The following ORMDL1 variants were observed in gnomAD, a reference collection of about 807,000 sequenced individuals.
ORMDL1 encodes ORMDL sphingolipid biosynthesis regulator 1.
Under a neutral mutation model 13.0 loss-of-function variants are expected in ORMDL1, and 10 were observed. The observed-to-expected ratio is 0.77, with a 90% CI of 0.47 to 1.30. The LOEUF (loss-of-function observed/expected upper bound fraction) is 1.30, where lower values mean the gene tolerates loss of function less well. Among genes scored for constraint, ORMDL1 ranks in the 50% most tolerant of loss-of-function variants. The pLI, the probability that ORMDL1 is intolerant of heterozygous loss-of-function variation, is 0.00. For missense variants in ORMDL1, 171 were observed against 186.7 expected, an observed-to-expected ratio of 0.92 and a Z score of 0.49; for synonymous variants, 61 against 63.9, an observed-to-expected ratio of 0.95 and a Z score of 0.22.
intron 3 of ORMDL1, among the ~76,000 whole-genome samples, chr2:189,779,009 C>A (rs2047762472): frequency 1.3e-5 from 2 of 152,026 alleles, no homozygotes; most frequent in African/African-American, 4.8e-5. Flanking sequence ...CACAGCAAGA[C>A]CCCCATCTCA....
downstream of ORMDL1, among the ~76,000 whole-genome samples, chr2:189,768,036 A>G (rs1214867508): frequency 6.6e-6 from 1 of 152,216 alleles, no homozygotes; most frequent in Admixed American, 6.5e-5. Context: ...GAAAATTTTT[A>G]AACCCAACAT....
intron 4 of ORMDL1, among the ~76,000 whole-genome samples, chr2:189,772,152 C>T (rs998146411): frequency 6.6e-6 from 1 of 152,178 alleles, no homozygotes; most frequent in African/African-American, 2.4e-5. Context: ...ATAGAACACA[C>T]TGCATCCTTT....
At position 189,771,295 on chromosome 2, in the gene ORMDL1, T is replaced by TA. The variant is rs1553547100; in HGVS notation, c.*471dup. ...ACAAGAGGATATACATCCGCTTACA[T>TA]AAAACGAGAAATATGTACGGTAATA... On this transcript the variant is annotated 3_prime_UTR_variant, in exon 5 of 5. Coordinates refer to ENST00000392349, the MANE Select transcript of ORMDL1 (RefSeq NM_016467.5). 1 of 5,624 alleles carries TA rather than the reference T, an allele frequency of 1.8e-4. No individual in the cohort carries two copies. Among genetic ancestry groups the TA allele is most frequent in the Non-Finnish European group, 3.6e-3 (1 of 280 alleles). The allele number at this position is 5,624 out of a possible 1,614,324, so 0.3% of individuals were successfully genotyped here.
At chr2:189,779,294 T>C (rs955808908) in intron 3 of ORMDL1, among the ~76,000 whole-genome samples, 1 of 152,014 alleles carries the variant, frequency 6.6e-6, no homozygotes, top group Non-Finnish European at 1.5e-5. Flanking sequence ...CTGGGCAACA[T>C]AGTGAGAGCC....
intron 3 of ORMDL1, among the ~76,000 whole-genome samples, chr2:189,780,283 A>G (rs934004701): frequency 1.3e-5 from 2 of 152,242 alleles, no homozygotes; most frequent in Non-Finnish European, 2.9e-5. Flanking sequence ...CTGGTGCTAA[A>G]AAAGTTTCTA....
chr2:189,783,924 G>A (rs1010699994), intron 1 of ORMDL1, among the ~76,000 whole-genome samples: 1 of 152,286 alleles, frequency 6.6e-6, no homozygotes, highest in East Asian at 1.9e-4. Flanking sequence ...CTCCGAAGAC[G>A]GCGACCCGCA....
At chr2:189,767,410 G>A (rs1222712634), downstream of ORMDL1, among the ~76,000 whole-genome samples, 1 of 152,106 alleles carries the variant, frequency 6.6e-6, no homozygotes, top group Admixed American at 6.5e-5. Context: ...ATAAAATGGA[G>A]AAAATAATGC....
At chr2:189,768,054 T>C (rs567318455), downstream of ORMDL1, among the ~76,000 whole-genome samples, 1 of 152,196 alleles carries the variant, frequency 6.6e-6, no homozygotes, top group Non-Finnish European at 1.5e-5. Flanking sequence ...CATAACAAAC[T>C]ACTTGCTACA....
At chr2:189,781,644 G>T (rs11899667) in intron 3 of ORMDL1, among the ~76,000 whole-genome samples, 2,754 of 151,316 alleles carry the variant, frequency 0.018, 93 homozygotes, top group African/African-American at 0.063. Context: ...AAACTAAAAT[G>T]ATCTATTTTC....
intron 3 of ORMDL1, among the ~76,000 whole-genome samples, chr2:189,777,818 A>G (rs1055373170): frequency 3.3e-5 from 5 of 152,214 alleles, no homozygotes; most frequent in Non-Finnish European, 7.3e-5. Flanking sequence ...TGTACGGTTC[A>G]GAAAGGCAAA....
At chr2:189,766,733 A>ACC (rs2047489244), downstream of ORMDL1, among the ~76,000 whole-genome samples, 1 of 150,246 alleles carries the variant, frequency 6.7e-6, no homozygotes, top group Non-Finnish European at 1.5e-5. Context: ...TCAAAAAAAA[A>ACC]AAAACAAAAC....
downstream of ORMDL1, among the ~76,000 whole-genome samples, chr2:189,767,770 G>A (rs933686018): frequency 2.0e-5 from 3 of 152,036 alleles, no homozygotes; most frequent in Non-Finnish European, 4.4e-5. Context: ...GTTTATCAAG[G>A]GCTTGAATAA....
chr2:189,772,723 T>C (rs1166652855), intron 4 of ORMDL1, among the ~76,000 whole-genome samples: 7 of 152,254 alleles, frequency 4.6e-5, no homozygotes, highest in Admixed American at 3.3e-4. Context: ...GAAGTTAGTT[T>C]CTATTTAGGT....
In ORMDL1 at chr2:189,771,882, T is replaced by C. The variant is rs148150815; in HGVS notation, c.347A>G (p.Tyr116Cys). Residue 116 changes from tyrosine to cysteine, a missense_variant, in exon 5 of 5, where the codon TAT becomes TGT. Transcript: ENST00000392349. ...PIILYFLASF[Y>C]TKYDPTHFIL... ...GAAGTGAGTTGGATCATACTTCGTA[T>C]AGAAACTTGCCAGAAAATATCTGTA... 2.8e-4 allele frequency: 448 copies of C among 1,596,502 alleles called. 1 individual carries two copies. The highest frequency in any genetic ancestry group is 4.2e-4 in the Admixed American group (24 of 57,546).
At chr2:189,764,968 G>A in the ORMDL1 span, 88,491 of 151,806 alleles carry the variant, frequency 0.58, 29,747 homozygotes, top group South Asian at 0.76. Flanking sequence ...GAGTAGCTGG[G>A]ACTACAGGTG....
In ORMDL1 at chr2:189,776,063, T is replaced by A. The variant is rs1381424266; in HGVS notation, c.175-347A>T. 5.9e-5 allele frequency among the ~76,000 whole-genome samples: 9 copies of A among 152,276 alleles called. No individual in the cohort carries two copies. The East Asian group carries it at 1.7e-3, about 29-fold the overall frequency. The stretch of plus-strand genomic sequence containing the variant: ...GGAAATAGGATTACTTTTTCCCCAA[T>A]GTACAGGAGGTTTTTCTTCAGGGTA... On this transcript the variant is annotated intron_variant, in intron 3 of 4. Coordinates refer to ENST00000392349, the MANE Select transcript of ORMDL1 (RefSeq NM_016467.5).
At chr2:189,773,394 G>A (rs922757040) in intron 4 of ORMDL1, among the ~76,000 whole-genome samples, 1 of 152,132 alleles carries the variant, frequency 6.6e-6, no homozygotes, top group East Asian at 1.9e-4. Flanking sequence ...CTAGGTGCAA[G>A]ATCTTCAACA....
chr2:189,778,313 T>C, intron 3 of ORMDL1: 1 of 439,660 alleles, frequency 2.3e-6, no homozygotes, highest in Non-Finnish European at 4.5e-6. Flanking sequence ...GAGAATCGCT[T>C]GAACCCAGGA....
intron 3 of ORMDL1, among the ~76,000 whole-genome samples, chr2:189,781,147 T>C (rs183154669): frequency 7.9e-5 from 12 of 152,294 alleles, no homozygotes; most frequent in South Asian, 2.1e-4. Context: ...GGTCTTGAAA[T>C]CCTGAGCTCA....
Sources: allele counts gnomAD v4.1 joint callset (sites outside exome capture counted in the v4.1 genomes callset), GRCh38; gene constraint gnomAD v4.1.1; transcripts MANE v1.5; gene names NCBI Gene and HGNC (gene_info 2026-07-23, HGNC 2026-07-21).